The following TSGA10 variants were observed in gnomAD, a reference collection of about 807,000 sequenced individuals.
The protein encoded by TSGA10 is testis specific 10, also known as testis-specific gene 10 protein.
TSGA10 carries 43 observed loss-of-function variants against 96.6 expected under a neutral mutation model. The observed-to-expected ratio is 0.44, with a 90% CI of 0.35 to 0.57. The LOEUF is 0.57. Ranked by LOEUF, TSGA10 falls within the 20% of genes least tolerant of loss-of-function variation. The probability of loss-of-function intolerance (pLI) is 0.01; values close to 1 mark genes in which losing one functional copy is unlikely to be tolerated. For missense variants in TSGA10, 703 were observed against 834.4 expected, an observed-to-expected ratio of 0.84 and a Z score of 1.94; for synonymous variants, 229 against 269.9, an observed-to-expected ratio of 0.85 and a Z score of 1.48.
In TSGA10 at chr2:99,077,502, A is replaced by T. The variant is rs866893275; in HGVS notation, c.882+1157T>A. On this transcript the variant is annotated intron_variant, in intron 12 of 20. Transcript: ENST00000393483. The stretch of plus-strand genomic sequence containing the variant: ...AGCTTAGGAACTGCTTTCAGAAATC[A>T]GTTTATAAGCTAGAAAATAATATCA... Among the ~76,000 whole-genome samples, 18 of 152,302 alleles carry T rather than the reference A, an allele frequency of 1.2e-4. 1 individual carries two copies. In the South Asian group the frequency reaches 3.3e-3, roughly 28 times the overall value.
chr2:99,136,953 T>A (rs567231423), intron 1 of TSGA10, among the ~76,000 whole-genome samples: 1 of 151,752 alleles, frequency 6.6e-6, no homozygotes, highest in Non-Finnish European at 1.5e-5. Flanking sequence ...ATTACTTTTA[T>A]GGGATGTCCA....
At chr2:99,072,939 G>T in intron 13 of TSGA10, 79 bp downstream of exon 13, 1 of 997,938 alleles carries the variant, frequency 1.0e-6, no homozygotes, top group Non-Finnish European at 1.6e-6. Flanking sequence ...TAAGCCCCTT[G>T]TTTCTTACTA....
chr2:99,032,296 T>C lies in TSGA10; in HGVS notation c.1614+2934A>G, dbSNP rs568579622. 5.3e-5 allele frequency among the ~76,000 whole-genome samples: 8 copies of C among 152,226 alleles called. No homozygotes were observed. In the South Asian group the frequency reaches 1.0e-3, roughly 20 times the overall value. ...AAACAAACATCACTAGAGAGCTCCT[T>C]TGAAAAGGGCAAAAGACCCAATGAT... On this transcript the variant is annotated intron_variant, in intron 17 of 20. Coordinates refer to ENST00000393483, the MANE Select transcript of TSGA10 (RefSeq NM_025244.4).
At chr2:99,020,186 G>C (rs2079879987) in intron 18 of TSGA10, 94 bp downstream of exon 18, 1 of 1,052,738 alleles carries the variant, frequency 9.5e-7, no homozygotes, top group Admixed American at 2.2e-5. Flanking sequence ...GCAAAGTATA[G>C]AAGGCAAATT....
In TSGA10 at chr2:99,108,847, G is replaced by A. The variant is rs894855241; in HGVS notation, c.196C>T (p.Leu66Phe). Reference protein sequence around the residue: ...VLKSERDKIFLLYEQAQEEIT... With the variant: ...VLKSERDKIFFLYEQAQEEIT... ...TGTAAGTTTACCTGTTCATAAAGAA[G>A]GAAGATCTTGTCTCTCTCAGATTTA... Residue 66 changes from leucine (L) to phenylalanine (F), a missense_variant, in exon 7 of 21, where the codon CTT becomes TTT. Physicochemically the swap from Leu to Phe is conservative, Grantham distance 22. This residue lies in a region of TSGA10 where 585 missense variants were observed against 656.8 expected (regional missense o/e 0.89). Coordinates refer to ENST00000393483, the MANE Select transcript of TSGA10 (RefSeq NM_025244.4). 2 of 1,571,262 alleles carry A rather than the reference G, an allele frequency of 1.3e-6. No homozygotes were observed. The highest frequency in any genetic ancestry group is 1.4e-5 in the African/African-American group (1 of 72,452).
intron 1 of TSGA10, among the ~76,000 whole-genome samples, chr2:99,143,394 C>T (rs1302062208): frequency 2.0e-5 from 3 of 151,628 alleles, no homozygotes; most frequent in Admixed American, 1.3e-4. Flanking sequence ...CTCCTGACCT[C>T]ATGATCCACC....
chr2:99,014,501 A>G (rs977063952), intron 20 of TSGA10, among the ~76,000 whole-genome samples: 6 of 152,198 alleles, frequency 3.9e-5, no homozygotes, highest in Non-Finnish European at 7.3e-5. Flanking sequence ...TAGTACTAAG[A>G]GAAAAGTTCA....
At chr2:99,010,224 G>A (rs2078889919) in intron 20 of TSGA10, among the ~76,000 whole-genome samples, 1 of 152,172 alleles carries the variant, frequency 6.6e-6, no homozygotes, top group Admixed American at 6.5e-5. Flanking sequence ...GATGGAGTAT[G>A]GCAGATAGGA....
intron 17 of TSGA10, among the ~76,000 whole-genome samples, chr2:99,028,220 T>A (rs1233347435): frequency 6.6e-6 from 1 of 152,352 alleles, no homozygotes; most frequent in East Asian, 1.9e-4. Context: ...TAGCTGACTG[T>A]TCTATTTATT....
rs1235744579 is a variant in TSGA10, at chr2:99,068,969, A to G, written c.1137T>C (p.His379=). 2.7e-6 allele frequency: 4 copies of G among 1,468,544 alleles called. No homozygotes were observed. Among genetic ancestry groups the G allele is most frequent in the Non-Finnish European group, 3.6e-6 (4 of 1,114,774 alleles). The allele number at this position is 1,468,544 out of a possible 1,614,324, so 91.0% of individuals were successfully genotyped here. ...QALSKKLNDT[H]NELNDIKQKV... ...TCTGTTTTATGTCATTAAGTTCATT[A>G]TGAGTGTCATTCAATTTTTTGGACA... is the stretch of plus-strand genomic sequence containing the variant. The change falls in exon 15 of 21, where the codon CAT becomes CAC. Residue 379 remains histidine, a synonymous_variant. Coordinates refer to ENST00000393483, the MANE Select transcript of TSGA10 (RefSeq NM_025244.4).
intron 10 of TSGA10, chr2:99,102,747 G>T (rs1030649090): frequency 6.5e-5 from 105 of 1,604,946 alleles, no homozygotes; most frequent in Non-Finnish European, 8.4e-5. Flanking sequence ...TACCACACAT[G>T]GTTAATTGGA....
intron 16 of TSGA10, among the ~76,000 whole-genome samples, chr2:99,052,410 T>C (rs975380497): frequency 1.3e-5 from 2 of 150,554 alleles, no homozygotes; most frequent in Non-Finnish European, 2.9e-5. Flanking sequence ...GATTGAATCA[T>C]GAAAAAAAAT....
chr2:99,105,218 A>G, intron 9 of TSGA10, 141 bp downstream of exon 9: 1 of 641,764 alleles, frequency 1.6e-6, no homozygotes, highest in South Asian at 3.1e-5. Context: ...AATTTACACT[A>G]TAAAATACCT....
intron 16 of TSGA10, among the ~76,000 whole-genome samples, chr2:99,046,773 T>G (rs530453761): frequency 7.9e-5 from 12 of 152,048 alleles, no homozygotes; most frequent in African/African-American, 2.9e-4. Context: ...AAAAAATCAA[T>G]GAATCCAGGA....
At chr2:99,026,915 C>A (rs868521726) in intron 17 of TSGA10, among the ~76,000 whole-genome samples, 2 of 152,234 alleles carry the variant, frequency 1.3e-5, no homozygotes, top group Non-Finnish European at 2.9e-5. Context: ...CCATGGACAG[C>A]AGTCGGGGTG....
chr2:99,060,900 T>C (rs1234599917), intron 16 of TSGA10, among the ~76,000 whole-genome samples: 1 of 152,160 alleles, frequency 6.6e-6, no homozygotes, highest in Non-Finnish European at 1.5e-5. Context: ...TTGACCCTTA[T>C]CTTACATCAT....
intron 14 of TSGA10, among the ~76,000 whole-genome samples, chr2:99,070,373 G>A (rs536863805): frequency 1.3e-5 from 2 of 151,924 alleles, no homozygotes; most frequent in Admixed American, 6.6e-5. Flanking sequence ...AATCTTACTC[G>A]ACTCTACTGC....
Position 99,065,064 on chromosome 2 carries a change from A to C in TSGA10, c.1279T>G (p.Trp427Gly). ...LRKANEDAEN[W>G]ENKARQSEAD... The stretch of plus-strand genomic sequence containing the variant: ...TCTGATTGACGGGCTTTATTTTCCC[A>C]GTTTTCAGCATCTTCATTGGCTTTT... Residue 427 changes from tryptophan to glycine, a missense_variant, in exon 16 of 21, where the codon TGG becomes GGG. Physicochemically the swap from Trp to Gly is radical, Grantham distance 184 (BLOSUM62 -2). Transcript: ENST00000393483. 1 of 1,613,660 alleles carries C rather than the reference A, an allele frequency of 6.2e-7. No homozygotes were observed. The highest frequency in any genetic ancestry group is 8.5e-7 in the Non-Finnish European group (1 of 1,179,790).
rs757838338 is a variant in TSGA10 at position 99,071,917 on chromosome 2, T to G, written c.939-43A>C. 9.2e-6 allele frequency: 14 copies of G among 1,527,542 alleles called. 1 individual carries two copies. The highest frequency in any genetic ancestry group is 1.7e-4 in the Middle Eastern group (1 of 5,752). 94.6% of individuals were successfully genotyped at this position (1,527,542 alleles called of 1,614,324 possible). A position where few individuals can be genotyped will look rare whatever the true frequency, so the allele number is the denominator to read the frequency against. On this transcript the variant is annotated intron_variant, in intron 13 of 20. Transcript: ENST00000393483. ...GAGTACATAAGAAGAGACATTTTAC[T>G]GAAACAGAGCAACAAATTCTCACAA... is the stretch of plus-strand genomic sequence containing the variant.
Sources: gnomAD v4.1 joint callset for allele counts (sites outside exome capture counted in the v4.1 genomes callset) on GRCh38, gnomAD v4.1.1 for gene constraint, gnomAD v4.1.1 regional missense constraint, MANE v1.5 for transcripts, NCBI Gene and HGNC (gene_info 2026-07-23, HGNC 2026-07-21) for gene names.